The following WDR27 variants were observed in gnomAD, a reference collection of about 807,000 sequenced individuals.
WDR27 encodes WD repeat-containing protein 27.
Under a neutral mutation model 114.4 loss-of-function variants are expected in WDR27, and 100 were observed. The ratio of observed to expected loss-of-function variants is 0.87; its 90% CI spans 0.74 to 1.03. WDR27 has a LOEUF of 1.03. Among genes scored for constraint, WDR27 ranks in the 50% least tolerant of loss-of-function variants. The probability of loss-of-function intolerance (pLI) is 0.00; values close to 1 mark genes in which losing one functional copy is unlikely to be tolerated. For synonymous variants in WDR27, 449 were observed against 423.1 expected, an observed-to-expected ratio of 1.06 and a Z score of -0.75; for missense variants, 1,129 against 1,092.9, an observed-to-expected ratio of 1.03 and a Z score of -0.47.
At chr6:169,468,378 G>A (rs1785885652) in intron 25 of WDR27, among the ~76,000 whole-genome samples, 1 of 152,160 alleles carries the variant, frequency 6.6e-6, no homozygotes, top group Non-Finnish European at 1.5e-5. Context: ...TGCTGGGGAG[G>A]CCTCAGGAAA....
At chr6:169,535,961 AC>A (rs1284278694) in intron 25 of WDR27, among the ~76,000 whole-genome samples, 1 of 152,216 alleles carries the variant, frequency 6.6e-6, no homozygotes, top group African/African-American at 2.4e-5. Context: ...TACTGTTCCC[AC>A]ATACTTTAAT....
chr6:169,665,433 G>A (rs1227077932), intron 7 of WDR27, 53 bp downstream of exon 7: 1 of 1,578,750 alleles, frequency 6.3e-7, no homozygotes, highest in Non-Finnish European at 8.6e-7. Flanking sequence ...TTGTGTACAA[G>A]CTCACGTTCA....
intron 2 of WDR27, among the ~76,000 whole-genome samples, chr6:169,682,069 C>T (rs1054377085): frequency 1.3e-5 from 2 of 152,214 alleles, no homozygotes; most frequent in Non-Finnish European, 2.9e-5. Context: ...ACCAGGCTCT[C>T]CAACCTCTGT....
At chr6:169,643,842 A>C in intron 16 of WDR27, 56 bp from the exon 17 acceptor site, 1 of 1,422,830 alleles carries the variant, frequency 7.0e-7, no homozygotes, top group East Asian at 2.4e-5. Flanking sequence ...CATAGGAGTC[A>C]CACTGTAGAA....
intron 22 of WDR27, among the ~76,000 whole-genome samples, chr6:169,603,566 A>G (rs1040023343): frequency 6.6e-6 from 1 of 152,222 alleles, no homozygotes; most frequent in East Asian, 1.9e-4. Flanking sequence ...GATGCATATT[A>G]TGCAGCTTTA....
At chr6:169,474,801 A>G (rs988047377) in intron 25 of WDR27, among the ~76,000 whole-genome samples, 2 of 152,212 alleles carry the variant, frequency 1.3e-5, no homozygotes, top group African/African-American at 4.8e-5. Context: ...ATAAATCCAG[A>G]CCTAAATTAT....
chr6:169,596,661 A>T (rs9396981), intron 23 of WDR27, among the ~76,000 whole-genome samples: 14,255 of 152,136 alleles, frequency 0.094, 1,730 homozygotes, highest in East Asian at 0.58. Context: ...TGTATGACAC[A>T]GAAATCAGGA....
intron 24 of WDR27, among the ~76,000 whole-genome samples, chr6:169,582,532 G>A (rs923034703): frequency 2.2e-4 from 33 of 152,028 alleles, no homozygotes; most frequent in Admixed American, 1.7e-3. Flanking sequence ...ACATGTAACC[G>A]TATTTGTCCA....
At chr6:169,466,064 T>G (rs1785538856) in intron 25 of WDR27, among the ~76,000 whole-genome samples, 1 of 152,204 alleles carries the variant, frequency 6.6e-6, no homozygotes, top group African/African-American at 2.4e-5. Context: ...AGAAATACAT[T>G]TCTATAACTT....
chr6:169,659,614 G>A lies in WDR27; in HGVS notation c.1130-96C>T. On this transcript the variant is annotated intron_variant, in intron 10 of 25. Coordinates refer to ENST00000448612, the MANE Select transcript of WDR27 (RefSeq NM_182552.5). This position sits in a 1 kb window ranked among gnomAD's most constrained non-coding sequence, Gnocchi z 4.3. The stretch of plus-strand genomic sequence containing the variant: ...CAGAGCCCACCACACACAGCCCAGA[G>A]CCCACCACACACAGTCCAGGCCCCA... The A allele has an allele frequency of 8.5e-7, 1 of 1,174,468 alleles. No individual in the cohort carries two copies. Among genetic ancestry groups the A allele is most frequent in the South Asian group, 1.3e-5 (1 of 75,640 alleles). 72.8% of individuals were successfully genotyped at this position (1,174,468 alleles called of 1,614,324 possible).
intron 22 of WDR27, among the ~76,000 whole-genome samples, chr6:169,603,331 A>C (rs1160777955): frequency 2.0e-5 from 3 of 152,010 alleles, no homozygotes; most frequent in Admixed American, 1.3e-4. Flanking sequence ...AATGTCATAA[A>C]CATTTGTCAC....
chr6:169,628,813 T>A (rs1051514599), intron 21 of WDR27, among the ~76,000 whole-genome samples: 3 of 152,246 alleles, frequency 2.0e-5, no homozygotes, highest in African/African-American at 7.2e-5. Flanking sequence ...GATCTGCTGC[T>A]GCAGGTGGAG....
At chr6:169,650,092 G>A (rs1226268358) in intron 14 of WDR27, among the ~76,000 whole-genome samples, 1 of 105,040 alleles carries the variant, frequency 9.5e-6, no homozygotes, top group Non-Finnish European at 1.9e-5. Context: ...TCTCATCTCT[G>A]CATCCCTCCT....
chr6:169,582,924 T>G lies in WDR27; in HGVS notation c.2435A>C (p.Tyr812Ser), dbSNP rs1415976241. The G allele has an allele frequency of 1.2e-6, 2 of 1,613,854 alleles. No individual in the cohort carries two copies. Among genetic ancestry groups the G allele is most frequent in the East Asian group, 4.5e-5 (2 of 44,868 alleles). Residue 812 changes from tyrosine (Y) to serine (S), a missense_variant, in exon 24 of 26, where the codon TAT becomes TCT. Transcript: ENST00000448612. ...CGAEDRHAYV[Y>S]EMGSSTFSHR... ...AGAAAACGTGCTTGAGCCCATTTCATACACGTAAGCCTACAAGACAAGATG... is the reference window on the plus strand; with the variant it reads ...AGAAAACGTGCTTGAGCCCATTTCAGACACGTAAGCCTACAAGACAAGATG...
At chr6:169,565,630 G>C (rs1280554668) in intron 25 of WDR27, among the ~76,000 whole-genome samples, 1 of 152,144 alleles carries the variant, frequency 6.6e-6, no homozygotes, top group Non-Finnish European at 1.5e-5. Flanking sequence ...TGTTCCTAAA[G>C]AGTCAATGTT....
At chr6:169,572,980 C>T (rs1228740473) in intron 24 of WDR27, among the ~76,000 whole-genome samples, 2 of 152,068 alleles carry the variant, frequency 1.3e-5, no homozygotes, top group East Asian at 3.9e-4. Context: ...GCCTTTCCTG[C>T]ATGTGTCAAT....
At chr6:169,544,461 T>C (rs1299984831) in intron 25 of WDR27, among the ~76,000 whole-genome samples, 1 of 150,874 alleles carries the variant, frequency 6.6e-6, no homozygotes, top group Non-Finnish European at 1.5e-5. Flanking sequence ...TTGTTTGAGA[T>C]GGAGTCTCGC....
chr6:169,455,102 T>C (rs942020503), downstream of WDR27, among the ~76,000 whole-genome samples: 1 of 152,220 alleles, frequency 6.6e-6, no homozygotes, highest in Admixed American at 6.5e-5. Flanking sequence ...CTGGCTGCTC[T>C]GTCCTGCGTG....
intron 24 of WDR27, among the ~76,000 whole-genome samples, chr6:169,582,017 A>G (rs1803530178): frequency 6.6e-6 from 1 of 152,238 alleles, no homozygotes; most frequent in African/African-American, 2.4e-5. Context: ...TTTGTTGCCC[A>G]GGCTGGAGTG....
Sources: gnomAD v4.1 joint callset for allele counts (sites outside exome capture counted in the v4.1 genomes callset) on GRCh38, gnomAD v4.1.1 for gene constraint, Gnocchi (gnomAD v3.1) non-coding constraint, MANE v1.5 for transcripts, NCBI Gene and HGNC (gene_info 2026-07-23, HGNC 2026-07-21) for gene names.